LHFPL3: variants seen among roughly 807,000 people sequenced by gnomAD.
LHFPL3 encodes LHFPL tetraspan subfamily member 3 protein.
Under a neutral mutation model 19.3 loss-of-function variants are expected in LHFPL3, and 5 were observed. The ratio of observed to expected loss-of-function variants is 0.26; its 90% CI spans 0.14 to 0.54. The LOEUF (loss-of-function observed/expected upper bound fraction) is 0.54. Among genes scored for constraint, LHFPL3 ranks in the 20% least tolerant of loss-of-function variants. The pLI, the probability that LHFPL3 is intolerant of heterozygous loss-of-function variation, is 0.94. For synonymous variants in LHFPL3, 133 were observed against 126.2 expected, an observed-to-expected ratio of 1.05 and a Z score of -0.36; for missense variants, 249 against 307.4, an observed-to-expected ratio of 0.81 and a Z score of 1.42.
chr7:104,735,888 A>T (rs1793806576), intron 1 of LHFPL3, among the ~76,000 whole-genome samples: 1 of 152,264 alleles, frequency 6.6e-6, no homozygotes, highest in South Asian at 2.1e-4. Flanking sequence ...GATAGACATT[A>T]GGTTGATTGC....
chr7:104,556,296 T>TC (rs901301125), intron 1 of LHFPL3, among the ~76,000 whole-genome samples: 69 of 151,860 alleles, frequency 4.5e-4, no homozygotes, highest in Middle Eastern at 3.4e-3. Context: ...TCCATGAGGG[T>TC]CCCCCCCCTG....
chr7:104,877,141 A>G (rs911080976), intron 2 of LHFPL3, among the ~76,000 whole-genome samples: 5 of 152,090 alleles, frequency 3.3e-5, no homozygotes, highest in African/African-American at 1.2e-4. Flanking sequence ...TCAGGGGAGG[A>G]GGGAGGGATA....
chr7:104,630,766 A>T (rs1314105427), intron 1 of LHFPL3, among the ~76,000 whole-genome samples: 3 of 152,140 alleles, frequency 2.0e-5, no homozygotes, highest in Non-Finnish European at 2.9e-5. Flanking sequence ...AATAATTATT[A>T]TTTATAAGAG....
intron 2 of LHFPL3, among the ~76,000 whole-genome samples, chr7:104,859,951 A>G (rs773673051): frequency 2.0e-5 from 3 of 152,190 alleles, no homozygotes; most frequent in Non-Finnish European, 4.4e-5. Context: ...CAAGTTGTGT[A>G]AGGGAACTCT....
chr7:104,851,951 T>TCCTCCTC (rs1326832160), intron 2 of LHFPL3, among the ~76,000 whole-genome samples: 2 of 152,036 alleles, frequency 1.3e-5, no homozygotes, highest in Non-Finnish European at 2.9e-5. Context: ...CATCATTCCT[T>TCCTCCTC]CCTCCTCCCT....
At chr7:104,427,444 A>C (rs1049559900) in intron 1 of LHFPL3, among the ~76,000 whole-genome samples, 1 of 152,248 alleles carries the variant, frequency 6.6e-6, no homozygotes, top group Admixed American at 6.5e-5. Context: ...CTATTTAATT[A>C]TCAACTACTT....
At chr7:104,605,504 G>A (rs1791077046) in intron 1 of LHFPL3, among the ~76,000 whole-genome samples, 1 of 152,002 alleles carries the variant, frequency 6.6e-6, no homozygotes, top group African/African-American at 2.4e-5. Flanking sequence ...TAGGAATGTT[G>A]GTCACAGAAT....
At chr7:104,337,813 G>A (rs1043962438) in intron 1 of LHFPL3, among the ~76,000 whole-genome samples, 6 of 152,138 alleles carry the variant, frequency 3.9e-5, no homozygotes, top group African/African-American at 9.7e-5. Context: ...AATAGCCAGC[G>A]ATATTGTGGA....
At chr7:104,585,416 C>T (rs535906392) in intron 1 of LHFPL3, among the ~76,000 whole-genome samples, 7 of 151,128 alleles carry the variant, frequency 4.6e-5, no homozygotes, top group Non-Finnish European at 7.4e-5. Flanking sequence ...TATCCACAGC[C>T]ACTTTCTTTG....
intron 2 of LHFPL3, among the ~76,000 whole-genome samples, chr7:104,852,417 A>G (rs1791429743): frequency 1.3e-5 from 2 of 152,340 alleles, no homozygotes; most frequent in Admixed American, 1.3e-4. Context: ...CCATGCTGAA[A>G]GTAGGGCAGT....
At chr7:104,505,657 T>A (rs1793684134) in intron 1 of LHFPL3, among the ~76,000 whole-genome samples, 1 of 152,208 alleles carries the variant, frequency 6.6e-6, no homozygotes, top group African/African-American at 2.4e-5. Context: ...CATATTTATA[T>A]GTCGAAAAAA....
At chr7:104,765,029 A>T (rs995765571) in intron 2 of LHFPL3, among the ~76,000 whole-genome samples, 2 of 152,220 alleles carry the variant, frequency 1.3e-5, no homozygotes, top group Admixed American at 6.5e-5. Flanking sequence ...ATGGAGCTAA[A>T]TCTCTTAGGA....
At chr7:104,741,562 G>A (rs1324893419) in intron 2 of LHFPL3, among the ~76,000 whole-genome samples, 1 of 147,202 alleles carries the variant, frequency 6.8e-6, no homozygotes, top group African/African-American at 2.5e-5. Context: ...TAGAGACAGA[G>A]TCTCACTCTG....
At chr7:104,670,787 C>T (rs1290867491) in intron 1 of LHFPL3, among the ~76,000 whole-genome samples, 1 of 151,966 alleles carries the variant, frequency 6.6e-6, no homozygotes, top group Non-Finnish European at 1.5e-5. Flanking sequence ...TTTTTTCCCC[C>T]CAAGTTTCCT....
At chr7:104,698,722 T>C (rs1442323364) in intron 1 of LHFPL3, among the ~76,000 whole-genome samples, 1 of 152,174 alleles carries the variant, frequency 6.6e-6, no homozygotes, top group African/African-American at 2.4e-5. Context: ...GATGAAGGAA[T>C]ATTATTCAGC....
At chr7:104,417,318 A>G (rs1218870903) in intron 1 of LHFPL3, among the ~76,000 whole-genome samples, 3 of 152,142 alleles carry the variant, frequency 2.0e-5, no homozygotes, top group African/African-American at 7.2e-5. Flanking sequence ...GCGTTATCTC[A>G]GTTTAACAAC....
At chr7:104,774,513 TA>T (rs1321298324) in intron 2 of LHFPL3, among the ~76,000 whole-genome samples, 1 of 152,246 alleles carries the variant, frequency 6.6e-6, no homozygotes, top group Non-Finnish European at 1.5e-5. Flanking sequence ...ACCATTTGGC[TA>T]TACACCTTCA....
chr7:104,552,443 A>G (rs1212659244), intron 1 of LHFPL3, among the ~76,000 whole-genome samples: 1 of 152,154 alleles, frequency 6.6e-6, no homozygotes, highest in African/African-American at 2.4e-5. Context: ...CACCCTGTTC[A>G]TGGTTGGGCT....
intron 2 of LHFPL3, among the ~76,000 whole-genome samples, chr7:104,774,728 AGTACT>A (rs748602958): frequency 1.3e-5 from 2 of 152,216 alleles, no homozygotes; most frequent in Non-Finnish European, 2.9e-5. Flanking sequence ...ATTTTATTCA[AGTACT>A]GTATTTTTAT....
Sources: allele counts gnomAD v4.1 joint callset (sites outside exome capture counted in the v4.1 genomes callset), GRCh38; gene constraint gnomAD v4.1.1; transcripts MANE v1.5; gene names NCBI Gene and HGNC (gene_info 2026-07-23, HGNC 2026-07-21).